The following FAM78B variants were observed in gnomAD, a reference collection of about 807,000 sequenced individuals.
FAM78B encodes protein FAM78B.
FAM78B carries 10 observed loss-of-function variants against 20.0 expected under a neutral mutation model. The ratio of observed to expected loss-of-function variants is 0.50; its 90% CI spans 0.31 to 0.85. FAM78B has a LOEUF of 0.85. Among genes scored for constraint, FAM78B ranks in the 40% least tolerant of loss-of-function variants. The pLI is 0.05. For missense variants in FAM78B, 283 were observed against 345.0 expected (o/e 0.82, Z 1.42); for synonymous variants, 135 against 132.8 (o/e 1.02, Z -0.12).
chr1:166,091,841 A>G (rs75141593), intron 1 of FAM78B, among the ~76,000 whole-genome samples: 4,222 of 152,300 alleles, frequency 0.028, 263 homozygotes, highest in Admixed American at 0.14. Context: ...CCTTAAAAAC[A>G]AGGAAACCAG....
rs138707595 is a variant in FAM78B, at chr1:166,121,997, T to C, written c.263+43989A>G. ...ACCCATTGTGTACTCATGGCCTATATTCATGAACATTTGGGACAACTCTTC... is the reference window on the plus strand; with the variant it reads ...ACCCATTGTGTACTCATGGCCTATACTCATGAACATTTGGGACAACTCTTC... On this transcript the variant is annotated intron_variant, in intron 1 of 1. Coordinates refer to ENST00000354422, the MANE Select transcript of FAM78B (RefSeq NM_001017961.5). 1.6e-3 allele frequency among the ~76,000 whole-genome samples: 238 copies of C among 152,332 alleles called. 1 individual carries two copies. The highest frequency in any genetic ancestry group is 5.4e-3 in the African/African-American group (224 of 41,574).
chr1:166,109,896 A>ATATATG (rs1653975297), intron 1 of FAM78B, among the ~76,000 whole-genome samples: 5 of 59,968 alleles, frequency 8.3e-5, no homozygotes, highest in African/African-American at 2.2e-4. Context: ...ATATGTATAT[A>ATATATG]TATATATATA....
intron 1 of FAM78B, among the ~76,000 whole-genome samples, chr1:166,111,057 A>G (rs1447174503): frequency 6.6e-6 from 1 of 152,186 alleles, no homozygotes; most frequent in African/African-American, 2.4e-5. Context: ...TGGAGCATGG[A>G]AAGTGTAAGG....
chr1:166,076,466 T>G (rs916817632), intron 1 of FAM78B, among the ~76,000 whole-genome samples: 2 of 152,196 alleles, frequency 1.3e-5, no homozygotes, highest in South Asian at 4.1e-4. Context: ...TACCACGTTC[T>G]CACTGCAATC....
At chr1:166,061,587 T>A (rs957786599) in intron 2 of FAM78B, among the ~76,000 whole-genome samples, 1 of 152,180 alleles carries the variant, frequency 6.6e-6, no homozygotes, top group Non-Finnish European at 1.5e-5. Flanking sequence ...ATTGGGGACT[T>A]AACAGCCTAG....
Position 166,166,280 on chromosome 1 carries a change from GGGGCAGCGCGGGGGCCCGCGC to G in FAM78B, c.-53_-33del, listed in dbSNP as rs779820311. On this transcript the variant is annotated 5_prime_UTR_variant, in exon 1 of 2. Coordinates refer to ENST00000354422, the MANE Select transcript of FAM78B (RefSeq NM_001017961.5). ...GCCCGGTGCCGGCACGGCGCGGCGTGGGGCAGCGCGGGGGCCCGCGCGGGCAGCCGGGGGCGCCCGTCACGC... is the reference window on the plus strand; with the variant it reads ...GCCCGGTGCCGGCACGGCGCGGCGTGGGGCAGCCGGGGGCGCCCGTCACGC... 28 of 1,230,790 alleles carry G rather than the reference GGGGCAGCGCGGGGGCCCGCGC, an allele frequency of 2.3e-5. No homozygotes were observed. In the African/African-American group the frequency reaches 3.3e-4, roughly 14 times the overall value. 76.2% of individuals were successfully genotyped at this position (1,230,790 alleles called of 1,614,324 possible).
chr1:166,096,319 C>T (rs1254351976), intron 1 of FAM78B, among the ~76,000 whole-genome samples: 1 of 152,196 alleles, frequency 6.6e-6, no homozygotes, highest in African/African-American at 2.4e-5. Flanking sequence ...CAGCACATGG[C>T]CTGGCCACTC....
intron 1 of FAM78B, among the ~76,000 whole-genome samples, chr1:166,126,209 G>T (rs1190447833): frequency 1.3e-5 from 2 of 152,034 alleles, no homozygotes; most frequent in Non-Finnish European, 2.9e-5. Context: ...AGAACCAATG[G>T]ATACAGAGGG....
Position 166,122,949 on chromosome 1 carries a change from C to T in FAM78B, c.263+43037G>A, listed in dbSNP as rs186280405. Among the ~76,000 whole-genome samples the T allele has an allele frequency of 6.6e-5, 10 of 152,142 alleles. No individual in the cohort carries two copies. The South Asian group carries it at 8.3e-4, about 13-fold the overall frequency. On this transcript the variant is annotated intron_variant, in intron 1 of 1. Transcript: ENST00000354422. ...TCTTTTATATGAGGGAAACGTGGTC[C>T]GGCTGAGAGCTCCAGGACGAAGGTA...
intron 1 of FAM78B, among the ~76,000 whole-genome samples, chr1:166,084,205 C>CCACACA (rs374157991): frequency 0.042 from 5,061 of 120,938 alleles, 124 homozygotes; most frequent in South Asian, 0.077. Flanking sequence ...GATGTAGAAA[C>CCACACA]CACACACACA....
chr1:166,062,072 C>CT (rs1651622414), intron 2 of FAM78B, among the ~76,000 whole-genome samples: 1 of 152,152 alleles, frequency 6.6e-6, no homozygotes, highest in African/African-American at 2.4e-5. Context: ...CGTTTGGATT[C>CT]TATCAGTTTT....
chr1:166,133,502 C>A (rs1654954318), intron 1 of FAM78B, among the ~76,000 whole-genome samples: 1 of 150,954 alleles, frequency 6.6e-6, no homozygotes, highest in Non-Finnish European at 1.5e-5. Flanking sequence ...ATGTGGGGAT[C>A]TTTCTGCAAA....
chr1:166,091,323 T>C (rs1162032785), intron 1 of FAM78B, among the ~76,000 whole-genome samples: 1 of 152,016 alleles, frequency 6.6e-6, no homozygotes, highest in African/African-American at 2.4e-5. Flanking sequence ...TTCCTACATA[T>C]TGGGGGAGGG....
At chr1:166,078,083 G>A (rs1364721433) in intron 1 of FAM78B, among the ~76,000 whole-genome samples, 1 of 149,516 alleles carries the variant, frequency 6.7e-6, no homozygotes, top group Non-Finnish European at 1.5e-5. Context: ...CCAGGCTGGA[G>A]TGCAGCGGTA....
intron 1 of FAM78B, among the ~76,000 whole-genome samples, chr1:166,122,037 C>T (rs1422887582): frequency 6.6e-6 from 1 of 152,216 alleles, no homozygotes; most frequent in Non-Finnish European, 1.5e-5. Flanking sequence ...CATCACCACA[C>T]CTCTGACTGC....
At chr1:166,123,893 C>T (rs1048448072) in intron 1 of FAM78B, among the ~76,000 whole-genome samples, 5 of 152,182 alleles carry the variant, frequency 3.3e-5, no homozygotes, top group African/African-American at 4.8e-5. Context: ...GCATGCCCAT[C>T]GCTTGATAAT....
intron 1 of FAM78B, among the ~76,000 whole-genome samples, chr1:166,109,585 T>C (rs997220594): frequency 6.6e-6 from 1 of 151,632 alleles, no homozygotes; most frequent in East Asian, 1.9e-4. Context: ...TACAGCCTGC[T>C]ATGGAAAACA....
intron 1 of FAM78B, among the ~76,000 whole-genome samples, chr1:166,149,446 C>T (rs1285118516): frequency 2.0e-5 from 3 of 152,206 alleles, no homozygotes; most frequent in Non-Finnish European, 4.4e-5. Flanking sequence ...AAGGTCTTTT[C>T]AGCTTCAGAA....
chr1:166,101,037 T>C (rs1653493720), intron 1 of FAM78B, among the ~76,000 whole-genome samples: 2 of 152,196 alleles, frequency 1.3e-5, no homozygotes, highest in South Asian at 2.1e-4. Flanking sequence ...TGTTCACCAA[T>C]ATCTGCTGTT....
Sources: allele counts gnomAD v4.1 joint callset (sites outside exome capture counted in the v4.1 genomes callset), GRCh38; gene constraint gnomAD v4.1.1; transcripts MANE v1.5; gene names NCBI Gene and HGNC (gene_info 2026-07-23, HGNC 2026-07-21).